CCL17: variants seen among roughly 807,000 people sequenced by gnomAD.
The protein encoded by CCL17 is C-C motif chemokine ligand 17, also known as C-C motif chemokine 17.
In CCL17, 8 loss-of-function variants were observed where a neutral mutation model predicts 7.4. That is an observed-to-expected ratio of 1.09 (90% CI 0.64 to 1.96). CCL17 has a LOEUF of 1.96. Among genes scored for constraint, CCL17 ranks in the 30% most tolerant of loss-of-function variants. The pLI, the probability that CCL17 is intolerant of heterozygous loss-of-function variation, is 0.00. For missense variants in CCL17, 102 were observed against 113.0 expected (o/e 0.90, Z 0.44); for synonymous variants, 40 against 46.1 (o/e 0.87, Z 0.54).
chr16:57,404,663 C>T (rs1449397673), upstream of CCL17: 1 of 153,108 alleles, frequency 6.5e-6, no homozygotes, highest in Non-Finnish European at 1.5e-5. Context: ...AAGTCAGAAA[C>T]GTGTACTATT....
intron 1 of CCL17, among the ~76,000 whole-genome samples, chr16:57,411,293 C>G (rs1194787077): frequency 8.5e-5 from 13 of 152,190 alleles, no homozygotes; most frequent in African/African-American, 3.1e-4. Context: ...CCTCTGTCCG[C>G]CCTGCAGCCC....
At chr16:57,405,991 G>C (rs1002346266) in intron 1 of CCL17, among the ~76,000 whole-genome samples, 1 of 151,738 alleles carries the variant, frequency 6.6e-6, no homozygotes, top group Admixed American at 6.6e-5. Flanking sequence ...GCAGTAAGCC[G>C]AGATAGCGCT....
At chr16:57,401,758 A>T (rs963080963), upstream of CCL17, among the ~76,000 whole-genome samples, 1 of 152,102 alleles carries the variant, frequency 6.6e-6, no homozygotes, top group Admixed American at 6.6e-5. Context: ...AGCAACGCTG[A>T]TGCCCTACCC....
chr16:57,408,574 A>AT (rs754193614), intron 1 of CCL17, among the ~76,000 whole-genome samples: 79 of 146,714 alleles, frequency 5.4e-4, no homozygotes, highest in African/African-American at 1.1e-3. Flanking sequence ...ACACCTGGCT[A>AT]TTTTTTTTTT....
chr16:57,408,522 C>T (rs1365191939), intron 1 of CCL17, among the ~76,000 whole-genome samples: 11 of 152,078 alleles, frequency 7.2e-5, no homozygotes, highest in African/African-American at 2.7e-4. Flanking sequence ...GGTGATCCTC[C>T]CTACTCGGCC....
chr16:57,413,227 G>C (rs995552853), intron 1 of CCL17, among the ~76,000 whole-genome samples: 3 of 152,224 alleles, frequency 2.0e-5, no homozygotes, highest in Admixed American at 6.5e-5. Context: ...CTTGCCTCCT[G>C]TGGTCAGGGC....
rs151000988 is a variant in CCL17 at position 57,412,416 on chromosome 16, G to A, written c.-59-1458G>A. On this transcript the variant is annotated intron_variant, in intron 1 of 3. Coordinates refer to ENST00000219244, the MANE Select transcript of CCL17 (RefSeq NM_002987.3). ...TGCCCTTCTACCTAAGGACTGATGA[G>A]GTTAGCTCTGAGCGATGCTCCAGTA... 1.7e-3 allele frequency among the ~76,000 whole-genome samples: 261 copies of A among 152,330 alleles called. 2 individuals carry two copies. The highest frequency in any genetic ancestry group is 5.9e-3 in the African/African-American group (247 of 41,574).
At chr16:57,414,617 G>A (rs1038877730) in intron 2 of CCL17, among the ~76,000 whole-genome samples, 7 of 151,774 alleles carry the variant, frequency 4.6e-5, no homozygotes, top group African/African-American at 7.3e-5. Flanking sequence ...GGCTGGTCTC[G>A]AACTCCTGAC....
At chr16:57,413,061 G>T (rs75548800) in intron 1 of CCL17, among the ~76,000 whole-genome samples, 2 of 152,198 alleles carry the variant, frequency 1.3e-5, no homozygotes, top group African/African-American at 2.4e-5. Context: ...CTGACCAGGC[G>T]TCCAGTACTG....
At chr16:57,402,771 G>T (rs562788463), upstream of CCL17, among the ~76,000 whole-genome samples, 8 of 152,088 alleles carry the variant, frequency 5.3e-5, no homozygotes, top group African/African-American at 1.9e-4. Flanking sequence ...TAACAAGAAG[G>T]GTTTCTGCAT....
chr16:57,411,732 C>T (rs1163314230), intron 1 of CCL17, among the ~76,000 whole-genome samples: 1 of 152,296 alleles, frequency 6.6e-6, no homozygotes, highest in African/African-American at 2.4e-5. Context: ...CTGCCTCTTC[C>T]GAGGACCCAG....
At chr16:57,408,638 G>A (rs538061520) in intron 1 of CCL17, among the ~76,000 whole-genome samples, 4 of 151,114 alleles carry the variant, frequency 2.6e-5, no homozygotes, top group East Asian at 3.9e-4. Flanking sequence ...GTGTGATCTC[G>A]GCTCACTGCA....
At chr16:57,414,178 TTGA>T (rs1391023334) in intron 2 of CCL17, among the ~76,000 whole-genome samples, 176 bp downstream of exon 2, 1 of 151,998 alleles carries the variant, frequency 6.6e-6, no homozygotes, top group African/African-American at 2.4e-5. Context: ...GAGAAAAATG[TTGA>T]TGATGACGAT....
the CCL17 span, among the ~76,000 whole-genome samples, chr16:57,396,839 A>G: frequency 6.6e-6 from 1 of 152,230 alleles, no homozygotes; most frequent in African/African-American, 2.4e-5. Context: ...CATTGGATGC[A>G]TAAAGGGGCT....
In CCL17 at chr16:57,407,111, A is replaced by G. The variant is rs563731689; in HGVS notation, c.-60+2275A>G. 3.9e-5 allele frequency among the ~76,000 whole-genome samples: 6 copies of G among 152,140 alleles called. No homozygotes were observed. In the South Asian group the frequency reaches 1.0e-3, roughly 26 times the overall value. On this transcript the variant is annotated intron_variant, in intron 1 of 3. Transcript: ENST00000219244. ...TGAATGAAAGGAGAAATGGGAGGGCAGCATGCGAGGGTGTTGAAGTCAAGG... is the reference window on the plus strand; with the variant it reads ...TGAATGAAAGGAGAAATGGGAGGGCGGCATGCGAGGGTGTTGAAGTCAAGG...
upstream of CCL17, among the ~76,000 whole-genome samples, chr16:57,401,599 A>C (rs1424653215): frequency 4.6e-5 from 7 of 152,022 alleles, no homozygotes; most frequent in African/African-American, 1.7e-4. Context: ...CACACATATG[A>C]GTTAGTGAGC....
At chr16:57,406,219 A>G (rs1254702861) in intron 1 of CCL17, among the ~76,000 whole-genome samples, 1 of 152,072 alleles carries the variant, frequency 6.6e-6, no homozygotes, top group Non-Finnish European at 1.5e-5. Context: ...TTGAAATGGA[A>G]TCTTGCTCTT....
At chr16:57,409,780 C>T (rs766820774) in intron 1 of CCL17, among the ~76,000 whole-genome samples, 2 of 152,116 alleles carry the variant, frequency 1.3e-5, no homozygotes, top group Non-Finnish European at 2.9e-5. Context: ...TCAATGGGCA[C>T]GTCAAGTCTT....
At chr16:57,397,994 A>G in the CCL17 span, among the ~76,000 whole-genome samples, 1 of 152,132 alleles carries the variant, frequency 6.6e-6, no homozygotes, top group Admixed American at 6.6e-5. Flanking sequence ...CTGGGCTGCA[A>G]TTTGTTGGCA....
Sources: gnomAD v4.1 joint callset for allele counts (sites outside exome capture counted in the v4.1 genomes callset) on GRCh38, gnomAD v4.1.1 for gene constraint, MANE v1.5 for transcripts, NCBI Gene and HGNC (gene_info 2026-07-23, HGNC 2026-07-21) for gene names.